NAV2: variants seen among roughly 807,000 people sequenced by gnomAD.
NAV2 encodes the protein helicase, APC down-regulated 1.
In NAV2, 54 loss-of-function variants were observed where a neutral mutation model predicts 223.2. The observed-to-expected ratio is 0.24, with a 90% confidence interval of 0.19 to 0.30. NAV2 has a LOEUF of 0.30. NAV2 is among the 10% of genes least tolerant of loss of function. The pLI, the probability that NAV2 is intolerant of heterozygous loss-of-function variation, is 1.00. For synonymous variants in NAV2, 1,279 were observed against 1,239.3 expected, an observed-to-expected ratio of 1.03 and a Z score of -0.67; for missense variants, 2,806 against 3,147.5, an observed-to-expected ratio of 0.89 and a Z score of 2.60.
intron 1 of NAV2, among the ~76,000 whole-genome samples, chr11:19,543,146 C>G (rs961796582): frequency 2.0e-5 from 3 of 152,156 alleles, no homozygotes; most frequent in African/African-American, 4.8e-5. Context: ...GGTCAGAAAG[C>G]CCTGGGTTCA....
chr11:19,987,846 AAG>A (rs1355953457), intron 11 of NAV2, among the ~76,000 whole-genome samples: 1 of 152,180 alleles, frequency 6.6e-6, no homozygotes, highest in Non-Finnish European at 1.5e-5. Flanking sequence ...GGTGTCTGAG[AAG>A]AGAGGATCAA....
At chr11:19,603,640 AAAAAAAAAAG>A (rs959756313) in intron 1 of NAV2, among the ~76,000 whole-genome samples, 3 of 151,582 alleles carry the variant, frequency 2.0e-5, no homozygotes, top group African/African-American at 7.3e-5. Flanking sequence ...TCAAAAAAAA[AAAAAAAAAAG>A]AAAAAAGAAA....
chr11:20,082,038 C>T (rs922128754), intron 25 of NAV2, among the ~76,000 whole-genome samples: 9 of 152,016 alleles, frequency 5.9e-5, no homozygotes, highest in Non-Finnish European at 1.5e-5. Context: ...AGTTCCTTTT[C>T]CCCCCATATG....
chr11:19,483,880 T>A (rs2042356869), intron 1 of NAV2, among the ~76,000 whole-genome samples: 1 of 151,972 alleles, frequency 6.6e-6, no homozygotes, highest in African/African-American at 2.4e-5. Flanking sequence ...AGAGGTAAAA[T>A]GACATGCCCC....
chr11:19,906,478 T>G lies in NAV2; in HGVS notation c.931+13884T>G, dbSNP rs535544137. Among the ~76,000 whole-genome samples, 128 of 152,318 alleles carry G rather than the reference T, an allele frequency of 8.4e-4. 1 individual carries two copies. Among genetic ancestry groups the G allele is most frequent in the African/African-American group, 2.9e-3 (121 of 41,570 alleles). On this transcript the variant is annotated intron_variant, in intron 6 of 37. Coordinates refer to ENST00000349880, the MANE Select transcript of NAV2 (RefSeq NM_145117.5). ...AATCAATCTACCACAATAAACAGGTTGCACCCAGTGAATTTGTGTTGATGG... is the reference window on the plus strand; with the variant it reads ...AATCAATCTACCACAATAAACAGGTGGCACCCAGTGAATTTGTGTTGATGG...
intron 1 of NAV2, among the ~76,000 whole-genome samples, chr11:19,409,984 C>T (rs1850070910): frequency 6.6e-6 from 1 of 152,150 alleles, no homozygotes; most frequent in Non-Finnish European, 1.5e-5. Context: ...CTAGGAACTT[C>T]TCTGGGACGC....
intron 1 of NAV2, among the ~76,000 whole-genome samples, chr11:19,361,099 A>G (rs1853909574): frequency 6.6e-6 from 1 of 152,006 alleles, no homozygotes; most frequent in Non-Finnish European, 1.5e-5. Flanking sequence ...ACTGGCTTAG[A>G]TACTATAAAA....
chr11:19,887,757 C>T (rs1408225822), intron 5 of NAV2, among the ~76,000 whole-genome samples: 1 of 151,898 alleles, frequency 6.6e-6, no homozygotes. Flanking sequence ...TCCTCTCTGC[C>T]CAGCTGCTGG....
chr11:20,005,567 A>G (rs200005176), intron 11 of NAV2, among the ~76,000 whole-genome samples: 1 of 24,828 alleles, frequency 4.0e-5, no homozygotes, highest in Non-Finnish European at 2.2e-4. Flanking sequence ...TAAAAAAAAG[A>G]AAAAAAAAAA....
At chr11:19,440,099 T>C (rs1035040481) in intron 1 of NAV2, among the ~76,000 whole-genome samples, 4 of 152,238 alleles carry the variant, frequency 2.6e-5, no homozygotes, top group African/African-American at 9.6e-5. Context: ...GTTTAGTCGA[T>C]CACACACGTA....
In NAV2 at chr11:19,998,704, T is replaced by TCCC. The variant is rs71050696; in HGVS notation, c.2768+14462_2768+14464dup. Among the ~76,000 whole-genome samples the TCCC allele has an allele frequency of 6.6e-6, 1 of 151,798 alleles. No homozygotes were observed. The highest frequency in any genetic ancestry group is 1.5e-5 in the Non-Finnish European group (1 of 67,966). On this transcript the variant is annotated intron_variant, in intron 11 of 37. Coordinates refer to ENST00000349880, the MANE Select transcript of NAV2 (RefSeq NM_145117.5). The surrounding 1 kb of genome is among the most constrained non-coding windows in gnomAD (Gnocchi z 5.0). ...CTGTCCCCTCTGCATAGACTGTGCT[T>TCCC]CCCCCCCTCTCTCCTTTTCTCCTTA...
intron 1 of NAV2, among the ~76,000 whole-genome samples, chr11:19,621,368 GT>G (rs890332506): frequency 2.9e-4 from 44 of 152,318 alleles, no homozygotes; most frequent in African/African-American, 1.0e-3. Flanking sequence ...GAATTCGGCT[GT>G]GAATCCGTCT....
chr11:19,362,819 C>T (rs1271282519), intron 1 of NAV2, among the ~76,000 whole-genome samples: 1 of 152,142 alleles, frequency 6.6e-6, no homozygotes, highest in East Asian at 1.9e-4. Flanking sequence ...ATGTTAATAA[C>T]ATTTAGAAAC....
chr11:19,966,277 A>G (rs1463621418), intron 10 of NAV2, among the ~76,000 whole-genome samples: 1 of 152,162 alleles, frequency 6.6e-6, no homozygotes, highest in East Asian at 1.9e-4. Context: ...GTTCACAACA[A>G]TATATCCCCA....
At chr11:20,073,887 C>T (rs1038574139) in intron 22 of NAV2, among the ~76,000 whole-genome samples, 2 of 152,138 alleles carry the variant, frequency 1.3e-5, no homozygotes, top group Non-Finnish European at 2.9e-5. Flanking sequence ...AAACGACCTC[C>T]TGGATTCACT....
chr11:19,944,696 T>TTCTTTCCTTCCTTC (rs1565613417), intron 8 of NAV2, among the ~76,000 whole-genome samples: 9 of 144,340 alleles, frequency 6.2e-5, no homozygotes, highest in African/African-American at 2.6e-4. Context: ...TTTCTTTCTT[T>TTCTTTCCTTCCTTC]CTTCCTTCTT....
intron 1 of NAV2, among the ~76,000 whole-genome samples, chr11:19,609,285 A>G (rs1173395380): frequency 6.6e-6 from 1 of 152,208 alleles, no homozygotes; most frequent in Non-Finnish European, 1.5e-5. Flanking sequence ...AAAGGACAGT[A>G]ACCAATTCCA....
At chr11:19,740,461 ACCTTT>A (rs2052700629) in intron 1 of NAV2, among the ~76,000 whole-genome samples, 1 of 151,974 alleles carries the variant, frequency 6.6e-6, no homozygotes, top group Admixed American at 6.6e-5. Flanking sequence ...GAAAACAGAG[ACCTTT>A]GTTCACGTGT....
chr11:20,083,044 A>C lies in NAV2; in HGVS notation c.5363A>C (p.Lys1788Thr). 6.2e-7 allele frequency: 1 copy of C among 1,614,104 alleles called. No homozygotes were observed. The highest frequency in any genetic ancestry group is 8.5e-7 in the Non-Finnish European group (1 of 1,179,982). Reference sequence around the variant, plus strand: ...TTCAAGCAAGCTTTCGGGAAGAAGAAGTCCCCAAAATCTGCGTCCTCTCAT... The same window carrying C: ...TTCAAGCAAGCTTTCGGGAAGAAGACGTCCCCAAAATCTGCGTCCTCTCAT... ...SSFKQAFGKK[K>T]SPKSASSHSD... is the part of the protein sequence containing the mutation. Residue 1788 changes from lysine to threonine, a missense_variant, in exon 26 of 38, where the codon AAG becomes ACG. By Grantham distance (78) the Lys-to-Thr change is moderately conservative. This residue lies in a region of NAV2 where 824 missense variants were observed against 1,069.4 expected (regional missense o/e 0.77). Transcript: ENST00000349880.
Sources: gnomAD v4.1 joint callset for allele counts (sites outside exome capture counted in the v4.1 genomes callset) on GRCh38, gnomAD v4.1.1 for gene constraint, gnomAD v4.1.1 regional missense constraint, Gnocchi (gnomAD v3.1) non-coding constraint, MANE v1.5 for transcripts, NCBI Gene and HGNC (gene_info 2026-07-23, HGNC 2026-07-21) for gene names.